MPRIP: variants seen among roughly 807,000 people sequenced by gnomAD.
MPRIP encodes myosin phosphatase Rho-interacting protein.
In MPRIP, 59 loss-of-function variants were observed where a neutral mutation model predicts 234.9. That is an observed-to-expected ratio of 0.25 (90% CI 0.20 to 0.31). The LOEUF (loss-of-function observed/expected upper bound fraction) is 0.31, where lower values mean the gene tolerates loss of function less well. Among genes scored for constraint, MPRIP ranks in the 10% least tolerant of loss-of-function variants. The pLI is 1.00. For missense variants in MPRIP, 2,436 were observed against 3,071.0 expected (o/e 0.79, Z 4.89); for synonymous variants, 1,144 against 1,263.9 (o/e 0.91, Z 2.01).
Position 17,087,320 on chromosome 17 carries a change from C to G in MPRIP, c.267+9244C>G, listed in dbSNP as rs548393614. ...CCCGACTTAGAGCCTGGGAGTTGCC[C>G]TTCAGGGAAGGAAAGAGGGAGAGGG... On this transcript the variant is annotated intron_variant, in intron 3 of 23. Coordinates refer to ENST00000651222, the MANE Select transcript of MPRIP (RefSeq NM_001364716.4). Among the ~76,000 whole-genome samples, 11 of 152,274 alleles carry G rather than the reference C, an allele frequency of 7.2e-5. No homozygotes were observed. The South Asian group carries it at 1.0e-3, about 14-fold the overall frequency.
At chr17:17,053,839 G>A (rs963187634) in intron 1 of MPRIP, among the ~76,000 whole-genome samples, 37 of 152,330 alleles carry the variant, frequency 2.4e-4, no homozygotes, top group African/African-American at 8.4e-4. Context: ...GCTTTCTTAT[G>A]TCAGCCCCTT....
At position 17,191,427 on chromosome 17, in the gene MPRIP, TC is replaced by T. The variant is rs2046584517; in HGVS notation, c.*6535del. On this transcript the variant is annotated 3_prime_UTR_variant, in exon 24 of 24. Coordinates refer to ENST00000651222, the MANE Select transcript of MPRIP (RefSeq NM_001364716.4). Reference sequence around the variant, plus strand: ...CAGCCCTTTGGTCATATCCTGGAATTCCGTGGAGGCTGCAGAACTTAGATGC... The same window carrying T: ...CAGCCCTTTGGTCATATCCTGGAATTCGTGGAGGCTGCAGAACTTAGATGC... 2.0e-5 allele frequency: 3 copies of T among 152,338 alleles called. No homozygotes were observed. The highest frequency in any genetic ancestry group is 2.0e-4 in the Admixed American group (3 of 15,296). The allele number at this position is 152,338 out of a possible 1,614,324, so 9.4% of individuals were successfully genotyped here.
At chr17:17,068,189 T>C (rs2089098908) in intron 1 of MPRIP, among the ~76,000 whole-genome samples, 1 of 152,158 alleles carries the variant, frequency 6.6e-6, no homozygotes, top group Non-Finnish European at 1.5e-5. Flanking sequence ...TCGCTCTTGT[T>C]GCCCAGGCTG....
intron 3 of MPRIP, among the ~76,000 whole-genome samples, chr17:17,111,990 G>A (rs547459231): frequency 2.6e-5 from 4 of 152,106 alleles, no homozygotes; most frequent in African/African-American, 7.2e-5. Flanking sequence ...GTTCATTGTC[G>A]CATGACAGTC....
intron 10 of MPRIP, among the ~76,000 whole-genome samples, chr17:17,146,893 T>G (rs1008305255): frequency 2.0e-5 from 3 of 152,252 alleles, no homozygotes; most frequent in Non-Finnish European, 2.9e-5. Flanking sequence ...CCCTGCTGGT[T>G]AGGAGGCCAC....
chr17:17,131,200 G>A (rs1450598821), intron 4 of MPRIP, among the ~76,000 whole-genome samples: 1 of 152,156 alleles, frequency 6.6e-6, no homozygotes, highest in Non-Finnish European at 1.5e-5. Flanking sequence ...ACCCATTGTG[G>A]GAACTTGACC....
intron 23 of MPRIP, 93 bp from the exon 24 acceptor site, chr17:17,184,730 G>T (rs181527190): frequency 1.1e-6 from 1 of 917,512 alleles, no homozygotes; most frequent in African/African-American, 1.6e-5. Context: ...GACTGATGCC[G>T]GCTCCACCAG....
At chr17:17,056,779 C>T (rs2088712560) in intron 1 of MPRIP, among the ~76,000 whole-genome samples, 1 of 151,980 alleles carries the variant, frequency 6.6e-6, no homozygotes, top group Non-Finnish European at 1.5e-5. Flanking sequence ...TAAGCAGTCA[C>T]CCCCGCCTTT....
intron 3 of MPRIP, among the ~76,000 whole-genome samples, chr17:17,090,981 G>A (rs1007866109): frequency 2.0e-5 from 3 of 152,044 alleles, no homozygotes; most frequent in Non-Finnish European, 4.4e-5. Context: ...GGGCCCTAAC[G>A]CTGTCAGGTG....
At chr17:17,080,996 G>C (rs776553366) in intron 3 of MPRIP, among the ~76,000 whole-genome samples, 6 of 152,168 alleles carry the variant, frequency 3.9e-5, no homozygotes, top group Non-Finnish European at 8.8e-5. Context: ...CACTCCCTAC[G>C]TGGTGCCCTC....
At chr17:17,126,898 A>G (rs1386044354) in intron 4 of MPRIP, 45 bp downstream of exon 4, 3 of 1,596,640 alleles carry the variant, frequency 1.9e-6, no homozygotes, top group South Asian at 2.3e-5. Context: ...CACCTGCCAC[A>G]GGGCCAACAC....
chr17:17,100,678 T>A (rs567647710), intron 3 of MPRIP, among the ~76,000 whole-genome samples: 3 of 152,152 alleles, frequency 2.0e-5, no homozygotes, highest in Admixed American at 6.6e-5. Context: ...TGCCTGATGA[T>A]CTGTTACTGT....
intron 3 of MPRIP, among the ~76,000 whole-genome samples, chr17:17,099,900 A>T (rs888404133): frequency 1.3e-5 from 2 of 152,242 alleles, no homozygotes; most frequent in African/African-American, 4.8e-5. Context: ...TGTAAAAATT[A>T]TACATTTTGT....
chr17:17,176,539 G>A lies in MPRIP; in HGVS notation c.6957+27G>A, dbSNP rs752451583. ...TAAGGCCACCGCACCACAGGAGGGC[G>A]GGTACGGGAACAGGCTCTAGGTGAC... On this transcript the variant is annotated intron_variant, in intron 21 of 23. Transcript: ENST00000651222. 42 of 1,582,588 alleles carry A rather than the reference G, an allele frequency of 2.7e-5. No homozygotes were observed. In the Middle Eastern group the frequency reaches 5.0e-4, roughly 19 times the overall value.
At chr17:17,154,227 CA>C in intron 12 of MPRIP, 78 bp from the exon 13 acceptor site, 1 of 1,239,914 alleles carries the variant, frequency 8.1e-7, no homozygotes, top group South Asian at 1.2e-5. Flanking sequence ...TTACCCAGTG[CA>C]GGGAGCTTCT....
At chr17:17,143,103 A>G (rs952868626) in intron 8 of MPRIP, among the ~76,000 whole-genome samples, 2 of 151,826 alleles carry the variant, frequency 1.3e-5, no homozygotes, top group Non-Finnish European at 2.9e-5. Flanking sequence ...TCGTTTCTCC[A>G]CTCAGCCCAA....
Position 17,177,293 on chromosome 17 carries a change from A to G in MPRIP, c.7001A>G (p.Glu2334Gly). The G allele has an allele frequency of 6.2e-7, 1 of 1,614,106 alleles. No individual in the cohort carries two copies. ...ASDKYKDIYTELSIAKAKADC... is the reference protein window; with the variant it reads ...ASDKYKDIYTGLSIAKAKADC... ...GACAAGTACAAAGACATCTACACAG[A>G]GCTCAGCATCGCGAAGGCTAAGGCT... The change falls in exon 22 of 24, where the codon GAG becomes GGG. Residue 2334 changes from glutamate to glycine, a missense_variant. Transcript: ENST00000651222.
In MPRIP at chr17:17,136,463, C is replaced by T. The variant is rs1420847668; in HGVS notation, c.736+13C>T. The T allele has an allele frequency of 1.2e-6, 2 of 1,603,012 alleles. No individual in the cohort carries two copies. Among genetic ancestry groups the T allele is most frequent in the Admixed American group, 1.7e-5 (1 of 58,908 alleles). On this transcript the variant is annotated intron_variant, in intron 6 of 23. Transcript: ENST00000651222. ...GAGAGCAAAGAAGGTGAGCGGAGGC[C>T]AGGCTGGCTTGTATGCACGGGAATG...
At position 17,172,825 on chromosome 17, in the gene MPRIP, T is replaced by C. The variant is rs1269300825; in HGVS notation, c.6590+10T>C. The C allele has an allele frequency of 1.9e-6, 3 of 1,608,354 alleles. No homozygotes were observed. In the South Asian group the frequency reaches 3.3e-5, roughly 18 times the overall value. ...TGCGGCGCCAGTACCTGTAAGTGGCTGGGCCTGCCCATCTGCCCTTGGGAG... is the reference window on the plus strand; with the variant it reads ...TGCGGCGCCAGTACCTGTAAGTGGCCGGGCCTGCCCATCTGCCCTTGGGAG... On this transcript the variant is annotated intron_variant, in intron 18 of 23. Transcript: ENST00000651222.
Sources: allele counts gnomAD v4.1 joint callset (sites outside exome capture counted in the v4.1 genomes callset), GRCh38; gene constraint gnomAD v4.1.1; transcripts MANE v1.5; gene names NCBI Gene and HGNC (gene_info 2026-07-23, HGNC 2026-07-21).